SH3TC1: variants seen among roughly 807,000 people sequenced by gnomAD.
SH3TC1 encodes SH3 domain and tetratricopeptide repeat-containing protein 1.
In SH3TC1, 135 loss-of-function variants were observed where a neutral mutation model predicts 117.3. The ratio of observed to expected loss-of-function variants is 1.15; its 90% CI spans 1.00 to 1.33. The LOEUF (loss-of-function observed/expected upper bound fraction) is 1.33, where lower values mean the gene tolerates loss of function less well. SH3TC1 is among the 40% of genes most tolerant of loss of function. The probability of loss-of-function intolerance (pLI) is 0.00; values close to 1 mark genes in which losing one functional copy is unlikely to be tolerated. For missense variants in SH3TC1, 2,092 were observed against 1,794.3 expected, an observed-to-expected ratio of 1.17 and a Z score of -3.00; for synonymous variants, 898 against 816.9, an observed-to-expected ratio of 1.10 and a Z score of -1.69.
chr4:8,228,655 CA>C lies in SH3TC1; in HGVS notation c.2950+12del. 6.8e-7 allele frequency: 1 copy of C among 1,464,414 alleles called. No homozygotes were observed. 90.7% of individuals were successfully genotyped at this position (1,464,414 alleles called of 1,614,324 possible). Reference sequence around the variant, plus strand: ...TGGGCCACGTGGAGAGTGAGTGCCCCAGTTCCTTCTGTGTGCCTTCCGGGGC... The same window carrying C: ...TGGGCCACGTGGAGAGTGAGTGCCCCGTTCCTTCTGTGTGCCTTCCGGGGC... On this transcript the variant is annotated intron_variant, in intron 12 of 17. Coordinates refer to ENST00000245105, the MANE Select transcript of SH3TC1 (RefSeq NM_018986.5).
upstream of SH3TC1, among the ~76,000 whole-genome samples, chr4:8,197,891 G>A (rs1256498076): frequency 1.3e-5 from 2 of 152,186 alleles, no homozygotes; most frequent in Non-Finnish European, 2.9e-5. Context: ...TGAACAGGAC[G>A]GGAGGGCGAG....
intron 14 of SH3TC1, among the ~76,000 whole-genome samples, chr4:8,234,675 T>C (rs529997271): frequency 2.0e-5 from 3 of 152,352 alleles, no homozygotes; most frequent in African/African-American, 7.2e-5. Flanking sequence ...TGAGCACCTG[T>C]TGTATGCCTT....
intron 11 of SH3TC1, 100 bp from the exon 12 acceptor site, chr4:8,226,880 G>T (rs1437144003): frequency 1.2e-6 from 1 of 831,072 alleles, no homozygotes; most frequent in Non-Finnish European, 1.8e-6. Context: ...AAAGTGCTGC[G>T]CCGGGGACAC....
chr4:8,206,589 G>A lies in SH3TC1; in HGVS notation c.172+1223G>A, dbSNP rs1219445022. 6.6e-6 allele frequency among the ~76,000 whole-genome samples: 1 copy of A among 152,060 alleles called. No individual in the cohort carries two copies. Among genetic ancestry groups the A allele is most frequent in the Admixed American group, 6.5e-5 (1 of 15,280 alleles). ...AGGCTCAGCAAAGCACCGTGGCATC[G>A]CCTCTCCCTGGAGTGAATCTCTGTG... On this transcript the variant is annotated intron_variant, in intron 2 of 17. Coordinates refer to ENST00000245105, the MANE Select transcript of SH3TC1 (RefSeq NM_018986.5). The surrounding 1 kb of genome is among the most constrained non-coding windows in gnomAD (Gnocchi z 5.5).
upstream of SH3TC1, among the ~76,000 whole-genome samples, chr4:8,195,857 A>C (rs1267031562): frequency 6.6e-6 from 1 of 152,252 alleles, no homozygotes; most frequent in Non-Finnish European, 1.5e-5. Context: ...ACAGGCAGGC[A>C]GCAAGTTGAC....
chr4:8,227,699 T>G lies in SH3TC1; in HGVS notation c.2005T>G (p.Phe669Val). Reference protein sequence around the residue: ...QSLQAEARACFLLARHHVHLK... With the variant: ...QSLQAEARACVLLARHHVHLK... ...CCTGCAGGCCGAGGCCCGGGCCTGC[T>G]TCCTGCTGGCCAGGCACCACGTGCA... Residue 669 changes from phenylalanine to valine, a missense_variant, in exon 12 of 18, where the codon TTC becomes GTC. Phe to Val is a conservative substitution (Grantham distance 50). Coordinates refer to ENST00000245105, the MANE Select transcript of SH3TC1 (RefSeq NM_018986.5). 6.4e-7 allele frequency: 1 copy of G among 1,562,912 alleles called. No homozygotes were observed. The highest frequency in any genetic ancestry group is 1.2e-5 in the South Asian group (1 of 82,816).
chr4:8,223,620 C>T (rs1433384534), intron 10 of SH3TC1, among the ~76,000 whole-genome samples: 1 of 151,044 alleles, frequency 6.6e-6, no homozygotes, highest in African/African-American at 2.4e-5. Context: ...AAATGTGTGG[C>T]TACACACCCA....
chr4:8,194,652 C>A (rs374627346), upstream of SH3TC1, among the ~76,000 whole-genome samples: 57 of 152,334 alleles, frequency 3.7e-4, no homozygotes, highest in African/African-American at 1.3e-3. Context: ...CTAAGACTAT[C>A]CCCTCACCCT....
intron 17 of SH3TC1, among the ~76,000 whole-genome samples, chr4:8,238,284 A>G (rs547459391): frequency 6.6e-6 from 1 of 152,174 alleles, no homozygotes; most frequent in Non-Finnish European, 1.5e-5. Flanking sequence ...GGGGCCCCAG[A>G]CAGCCAGGCT....
rs769357935 is a variant in SH3TC1 at position 8,237,791 on chromosome 4, C to T, written c.3753+121C>T. The T allele has an allele frequency of 5.8e-4, 639 of 1,106,014 alleles. 1 individual carries two copies. Among genetic ancestry groups the T allele is most frequent in the Non-Finnish European group, 7.5e-4 (605 of 811,818 alleles). The allele number at this position is 1,106,014 out of a possible 1,614,324, so 68.5% of individuals were successfully genotyped here. ...GAATGGCCCAGTGGCCTCCCTGGAG[C>T]GCTGCGCCCGGCTGGAGGAGCTGGC... On this transcript the variant is annotated intron_variant, in intron 17 of 17. Transcript: ENST00000245105.
rs1326158498 is a variant in SH3TC1, at chr4:8,218,353, T to C, written c.916+6T>C. 1.9e-6 allele frequency: 3 copies of C among 1,604,582 alleles called. No individual in the cohort carries two copies. The highest frequency in any genetic ancestry group is 2.2e-5 in the East Asian group (1 of 44,684). ...GCCCGGCAACCCGCTGATGGGTAAG[T>C]GTTTCCATGGGCCTCTCTTTTTTGG... On this transcript the variant is annotated splice_donor_region_variant and intron_variant, in intron 8 of 17. Coordinates refer to ENST00000245105, the MANE Select transcript of SH3TC1 (RefSeq NM_018986.5).
upstream of SH3TC1, among the ~76,000 whole-genome samples, chr4:8,198,240 G>A (rs780537165): frequency 2.8e-4 from 43 of 152,214 alleles, no homozygotes; most frequent in Non-Finnish European, 1.3e-4. Flanking sequence ...CCTTGGGCAT[G>A]TCACATTACC....
chr4:8,238,891 A>T (rs1273511326), intron 17 of SH3TC1, among the ~76,000 whole-genome samples: 2 of 152,158 alleles, frequency 1.3e-5, no homozygotes, highest in African/African-American at 4.8e-5. Flanking sequence ...TCTGGGCCTC[A>T]TGGTGACTGT....
In SH3TC1 at chr4:8,227,880, G is replaced by A. The variant is rs769035960; in HGVS notation, c.2186G>A (p.Cys729Tyr). ...RKCLPHLVLS[C>Y]VKVASLRTRG... ...TGCCTGCCCCACCTGGTGCTGAGCTGTGTCAAGGTGGCCTCATTGCGGACA... is the reference window on the plus strand; with the variant it reads ...TGCCTGCCCCACCTGGTGCTGAGCTATGTCAAGGTGGCCTCATTGCGGACA... Residue 729 changes from cysteine (C) to tyrosine (Y), a missense_variant, in exon 12 of 18, where the codon TGT (cysteine) becomes TAT (tyrosine). Cys to Tyr is a radical substitution (Grantham distance 194, BLOSUM62 -2). Coordinates refer to ENST00000245105, the MANE Select transcript of SH3TC1 (RefSeq NM_018986.5). 32 of 1,612,718 alleles carry A rather than the reference G, an allele frequency of 2.0e-5. No individual in the cohort carries two copies. The highest frequency in any genetic ancestry group is 7.7e-5 in the South Asian group (7 of 91,094).
intron 10 of SH3TC1, among the ~76,000 whole-genome samples, chr4:8,223,581 C>T (rs1281141): frequency 0.27 from 40,790 of 151,724 alleles, 5,621 homozygotes; most frequent in South Asian, 0.36. Context: ...TGGCAGAGGC[C>T]GTGCTATCTG....
chr4:8,215,457 G>T (rs1719164448), intron 5 of SH3TC1, among the ~76,000 whole-genome samples: 1 of 152,158 alleles, frequency 6.6e-6, no homozygotes, highest in African/African-American at 2.4e-5. Context: ...GGAGGAAGTG[G>T]CTCATCTGTG....
intron 13 of SH3TC1, chr4:8,232,983 T>C: frequency 8.4e-7 from 1 of 1,195,922 alleles, no homozygotes. Flanking sequence ...GCAAGCTATA[T>C]GGACAGGCCT....
chr4:8,192,293 G>A lies in SH3TC1; in HGVS notation c.-57+10083G>A, dbSNP rs557266234. Among the ~76,000 whole-genome samples the A allele has an allele frequency of 4.6e-5, 7 of 151,932 alleles. No homozygotes were observed. The East Asian group carries it at 1.4e-3, about 30-fold the overall frequency. On this transcript the variant is annotated intron_variant, in intron 1 of 16. Coordinates refer to the SH3TC1 transcript ENST00000508641. This position sits in a 1 kb window ranked among gnomAD's most constrained non-coding sequence, Gnocchi z 4.1. ...TTACAGGCGTGAGCCACTGCGCCCG[G>A]CCCTCAGTCACCTTTAAAATGAAAG...
chr4:8,219,701 C>T (rs542030940), intron 9 of SH3TC1, among the ~76,000 whole-genome samples, 171 bp downstream of exon 9: 7 of 152,332 alleles, frequency 4.6e-5, no homozygotes, highest in Non-Finnish European at 1.0e-4. Flanking sequence ...GTGCCTGACT[C>T]CAGGGTTCCC....
Sources: allele counts gnomAD v4.1 joint callset (sites outside exome capture counted in the v4.1 genomes callset), GRCh38; gene constraint gnomAD v4.1.1; non-coding constraint Gnocchi (gnomAD v3.1); transcripts MANE v1.5; gene names NCBI Gene and HGNC (gene_info 2026-07-23, HGNC 2026-07-21).